GALNTL6: variants seen among roughly 807,000 people sequenced by gnomAD.
GALNTL6 encodes the protein polypeptide N-acetylgalactosaminyltransferase-like 6.
A neutral mutation model predicts 73.7 loss-of-function variants in GALNTL6; 46 were observed. The observed-to-expected ratio is 0.62, with a 90% CI of 0.49 to 0.80. The LOEUF (loss-of-function observed/expected upper bound fraction) is 0.80. Among genes scored for constraint, GALNTL6 ranks in the 30% least tolerant of loss-of-function variants. GALNTL6 has a pLI of 0.00. For missense variants in GALNTL6, 604 were observed against 755.0 expected (o/e 0.80, Z 2.34); for synonymous variants, 259 against 263.7 (o/e 0.98, Z 0.17).
intron 2 of GALNTL6, among the ~76,000 whole-genome samples, chr4:171,959,589 G>A (rs1203026348): frequency 6.6e-6 from 1 of 151,218 alleles, no homozygotes; most frequent in African/African-American, 2.4e-5. Context: ...AGTGGCACAT[G>A]TCTGTGGTCC....
At chr4:172,870,587 G>C (rs1323196809) in intron 7 of GALNTL6, among the ~76,000 whole-genome samples, 1 of 152,148 alleles carries the variant, frequency 6.6e-6, no homozygotes, top group African/African-American at 2.4e-5. Context: ...TAGTTTTATA[G>C]GTTTGACATG....
intron 2 of GALNTL6, among the ~76,000 whole-genome samples, chr4:172,093,894 T>C (rs959823460): frequency 6.6e-6 from 1 of 152,158 alleles, no homozygotes; most frequent in Non-Finnish European, 1.5e-5. Flanking sequence ...CCACTGATTC[T>C]GCATTATGGT....
At chr4:172,002,332 C>G (rs74287623) in intron 2 of GALNTL6, among the ~76,000 whole-genome samples, 3,459 of 152,110 alleles carry the variant, frequency 0.023, 71 homozygotes, top group East Asian at 0.053. Flanking sequence ...ATAAAAGAGG[C>G]CTCTGAGAGA....
At chr4:172,002,462 G>A (rs1740708489) in intron 2 of GALNTL6, among the ~76,000 whole-genome samples, 1 of 152,110 alleles carries the variant, frequency 6.6e-6, no homozygotes, top group African/African-American at 2.4e-5. Flanking sequence ...CTCAAGAACT[G>A]TTAGAAATAC....
At chr4:172,376,438 C>T (rs1395826159) in intron 5 of GALNTL6, among the ~76,000 whole-genome samples, 2 of 152,102 alleles carry the variant, frequency 1.3e-5, no homozygotes, top group Non-Finnish European at 2.9e-5. Context: ...TCCTCTCTGT[C>T]GACCCTCGAC....
At chr4:172,092,403 A>G (rs1279440676) in intron 2 of GALNTL6, among the ~76,000 whole-genome samples, 2 of 152,122 alleles carry the variant, frequency 1.3e-5, no homozygotes, top group Non-Finnish European at 2.9e-5. Context: ...GACACTTCCT[A>G]TATAATTTAA....
chr4:171,846,630 G>A (rs1256401060), intron 2 of GALNTL6, among the ~76,000 whole-genome samples: 1 of 150,882 alleles, frequency 6.6e-6, no homozygotes, highest in Non-Finnish European at 1.5e-5. Flanking sequence ...GATGTATTTA[G>A]GATTTAAGAT....
At chr4:172,400,040 A>C (rs1295957848) in intron 5 of GALNTL6, among the ~76,000 whole-genome samples, 1 of 152,226 alleles carries the variant, frequency 6.6e-6, no homozygotes, top group East Asian at 1.9e-4. Context: ...ATAACAGCCA[A>C]AACACCCTTA....
chr4:172,092,518 A>C (rs1732233051), intron 2 of GALNTL6, among the ~76,000 whole-genome samples: 1 of 152,160 alleles, frequency 6.6e-6, no homozygotes, highest in Admixed American at 6.5e-5. Flanking sequence ...TTGATTTTGA[A>C]ATATGATTTT....
At chr4:172,678,480 G>A (rs1023182060) in intron 5 of GALNTL6, among the ~76,000 whole-genome samples, 1 of 152,028 alleles carries the variant, frequency 6.6e-6, no homozygotes, top group African/African-American at 2.4e-5. Context: ...CAGGTAGCTG[G>A]GATTACAGGC....
At chr4:172,259,464 T>C (rs1738184676) in intron 3 of GALNTL6, among the ~76,000 whole-genome samples, 1 of 151,420 alleles carries the variant, frequency 6.6e-6, no homozygotes, top group East Asian at 1.9e-4. Context: ...TGTTTTTTTT[T>C]TTTCTTGCTG....
intron 5 of GALNTL6, among the ~76,000 whole-genome samples, chr4:172,476,667 C>T (rs1260880461): frequency 2.6e-5 from 4 of 151,980 alleles, no homozygotes; most frequent in Non-Finnish European, 4.4e-5. Flanking sequence ...AATAAACTAC[C>T]GTGAATTTGA....
chr4:172,262,985 TCTG>T (rs1402749876), intron 3 of GALNTL6, among the ~76,000 whole-genome samples: 4 of 151,594 alleles, frequency 2.6e-5, no homozygotes, highest in Admixed American at 6.6e-5. Flanking sequence ...TGCTGAGAAA[TCTG>T]CTGTTAATCT....
intron 2 of GALNTL6, among the ~76,000 whole-genome samples, chr4:172,050,451 C>A (rs187051476): frequency 2.0e-5 from 3 of 152,108 alleles, no homozygotes; most frequent in Admixed American, 6.6e-5. Flanking sequence ...AAAAGAGAAG[C>A]TTTGTTTAAA....
chr4:171,989,415 C>T (rs1740254955), intron 2 of GALNTL6, among the ~76,000 whole-genome samples: 1 of 152,158 alleles, frequency 6.6e-6, no homozygotes, highest in South Asian at 2.1e-4. Context: ...TGGGTTCCTA[C>T]ACAGATGGGA....
chr4:172,849,004 T>C (rs1743663281), intron 7 of GALNTL6, among the ~76,000 whole-genome samples: 1 of 152,064 alleles, frequency 6.6e-6, no homozygotes. Flanking sequence ...AAGCCACAGC[T>C]GAGGGAAGCC....
intron 5 of GALNTL6, among the ~76,000 whole-genome samples, chr4:172,593,488 C>A (rs1289817671): frequency 3.3e-5 from 5 of 152,136 alleles, no homozygotes; most frequent in Non-Finnish European, 2.9e-5. Context: ...CCACCTATGA[C>A]AAATATGGAG....
intron 10 of GALNTL6, among the ~76,000 whole-genome samples, chr4:173,000,548 A>G (rs1385363685): frequency 6.6e-6 from 1 of 152,218 alleles, no homozygotes; most frequent in Non-Finnish European, 1.5e-5. Context: ...AAAATAGAAA[A>G]ACCCATCCTA....
intron 5 of GALNTL6, among the ~76,000 whole-genome samples, chr4:172,521,452 A>G (rs1734770308): frequency 1.3e-5 from 2 of 152,168 alleles, no homozygotes; most frequent in Non-Finnish European, 2.9e-5. Context: ...TCTAAATATA[A>G]CTAGCATATT....
Sources: allele counts gnomAD v4.1 joint callset (sites outside exome capture counted in the v4.1 genomes callset), GRCh38; gene constraint gnomAD v4.1.1; transcripts MANE v1.5; gene names NCBI Gene and HGNC (gene_info 2026-07-23, HGNC 2026-07-21).